The following SIMC1 variants were observed in gnomAD, a reference collection of about 807,000 sequenced individuals.
SIMC1 encodes the protein SUMO interacting motifs containing 1, also known as SUMO-interacting motif-containing protein 1.
SIMC1 carries 55 observed loss-of-function variants against 82.3 expected under a neutral mutation model. The ratio of observed to expected loss-of-function variants is 0.67; its 90% confidence interval spans 0.54 to 0.84. The LOEUF (loss-of-function observed/expected upper bound fraction) is 0.84, where lower values mean the gene tolerates loss of function less well. SIMC1 is among the 40% of genes least tolerant of loss of function. The pLI is 0.00. For synonymous variants in SIMC1, 353 were observed against 426.3 expected (o/e 0.83, Z 2.12); for missense variants, 915 against 1,107.2 (o/e 0.83, Z 2.46).
rs531826957 is a variant in SIMC1, at chr5:176,323,352, A to G, written c.2042+927A>G. Among the ~76,000 whole-genome samples, 276 of 152,298 alleles carry G rather than the reference A, an allele frequency of 1.8e-3. 2 individuals are homozygous for G. The highest frequency in any genetic ancestry group is 3.1e-3 in the Non-Finnish European group (210 of 68,014). ...AAGCTAGTATCATATAACAATCATC[A>G]TAATAAATGTTTATAAATACATGTT... On this transcript the variant is annotated intron_variant, in intron 6 of 9. Coordinates refer to ENST00000429602, the MANE Select transcript of SIMC1 (RefSeq NM_001308195.2).
chr5:176,306,482 T>G (rs1237068676), intron 4 of SIMC1, among the ~76,000 whole-genome samples: 2 of 141,220 alleles, frequency 1.4e-5, no homozygotes, highest in Non-Finnish European at 3.2e-5. Context: ...GCGGGAAAGG[T>G]GGGGAAAAGA....
At chr5:176,257,579 A>G (rs1163851288) in intron 1 of SIMC1, among the ~76,000 whole-genome samples, 4 of 152,162 alleles carry the variant, frequency 2.6e-5, no homozygotes, top group Non-Finnish European at 5.9e-5. Context: ...TGAAGACAGC[A>G]CCAAGCCATG....
At chr5:176,272,384 C>CAAAAAA (rs70991523) in intron 1 of SIMC1, among the ~76,000 whole-genome samples, 1 of 143,280 alleles carries the variant, frequency 7.0e-6, no homozygotes. Context: ...TGCAATAAGG[C>CAAAAAA]AAAAAAAAAA....
intron 1 of SIMC1, among the ~76,000 whole-genome samples, chr5:176,244,368 G>A (rs1417274815): frequency 7.4e-6 from 1 of 134,748 alleles, no homozygotes; most frequent in Non-Finnish European, 1.6e-5. Flanking sequence ...GAGATGCCAA[G>A]TATAACATTT....
At chr5:176,252,388 C>T (rs1454487748) in intron 1 of SIMC1, among the ~76,000 whole-genome samples, 7 of 142,524 alleles carry the variant, frequency 4.9e-5, no homozygotes, top group Admixed American at 2.1e-4. Flanking sequence ...TCAGACGGGG[C>T]GGTTGCCAGG....
chr5:176,329,262 G>A (rs1480506657), intron 7 of SIMC1, among the ~76,000 whole-genome samples: 2 of 152,132 alleles, frequency 1.3e-5, no homozygotes, highest in Admixed American at 6.6e-5. Flanking sequence ...ACGAGGTCAG[G>A]AGATCAAGAC....
At chr5:176,338,133 C>A (rs913760275) in intron 9 of SIMC1, among the ~76,000 whole-genome samples, 1 of 152,156 alleles carries the variant, frequency 6.6e-6, no homozygotes, top group Admixed American at 6.5e-5. Context: ...AAGTTCATGA[C>A]CTGGATCCAA....
intron 4 of SIMC1, among the ~76,000 whole-genome samples, chr5:176,303,873 AG>A (rs1764152091): frequency 6.6e-6 from 1 of 152,196 alleles, no homozygotes; most frequent in Non-Finnish European, 1.5e-5. Context: ...AAAAGAATGA[AG>A]TTGGACTCTG....
In SIMC1 at chr5:176,290,440, C is replaced by G; in HGVS notation, c.916C>G (p.Gln306Glu). The change falls in exon 2 of 10, where the codon CAA becomes GAA. Residue 306 changes from glutamine to glutamate, a missense_variant. Gln to Glu is a conservative substitution (Grantham distance 29). This residue lies in a region of SIMC1 where 902 missense variants were observed against 1,040.3 expected (regional missense o/e 0.87). Transcript: ENST00000429602. ...ACATCCACAAGATGTGGCATACCTG[C>G]AAGACATGCCACGGTCACCAGGAGA... ...ILHPQDVAYLQDMPRSPGDVP... is the reference protein window; with the variant it reads ...ILHPQDVAYLEDMPRSPGDVP... 1 of 1,614,026 alleles carries G rather than the reference C, an allele frequency of 6.2e-7. No individual in the cohort carries two copies. Among genetic ancestry groups the G allele is most frequent in the Middle Eastern group, 1.6e-4 (1 of 6,062 alleles).
chr5:176,260,244 C>G (rs1203926542), intron 1 of SIMC1, among the ~76,000 whole-genome samples: 5 of 152,038 alleles, frequency 3.3e-5, no homozygotes. Flanking sequence ...CGTATGTTCT[C>G]CCTCATAAGT....
chr5:176,325,261 C>T (rs1581316537), intron 7 of SIMC1, among the ~76,000 whole-genome samples: 1 of 152,054 alleles, frequency 6.6e-6, no homozygotes, highest in East Asian at 1.9e-4. Context: ...GTGGTGCACA[C>T]CTATAATCTC....
chr5:176,334,810 C>T (rs1765813559), intron 7 of SIMC1, among the ~76,000 whole-genome samples: 1 of 152,072 alleles, frequency 6.6e-6, no homozygotes, highest in Non-Finnish European at 1.5e-5. Flanking sequence ...AATCACAGTC[C>T]TGCAGGGCAC....
intron 1 of SIMC1, among the ~76,000 whole-genome samples, chr5:176,258,153 T>C (rs1761907561): frequency 6.6e-6 from 1 of 152,248 alleles, no homozygotes; most frequent in Admixed American, 6.5e-5. Flanking sequence ...GAGCTAGTGT[T>C]TCGATTTTGA....
chr5:176,271,228 C>T (rs1427649911), intron 1 of SIMC1, among the ~76,000 whole-genome samples: 1 of 152,086 alleles, frequency 6.6e-6, no homozygotes, highest in African/African-American at 2.4e-5. Flanking sequence ...GGCATGGTGG[C>T]AGGCACCTGT....
chr5:176,286,180 A>G (rs549884111), intron 1 of SIMC1, among the ~76,000 whole-genome samples: 1 of 152,414 alleles, frequency 6.6e-6, no homozygotes, highest in South Asian at 2.1e-4. Flanking sequence ...CATTGCCAAG[A>G]CAGTCCTAAG....
intron 1 of SIMC1, among the ~76,000 whole-genome samples, chr5:176,272,421 C>A (rs182172023): frequency 5.9e-5 from 9 of 151,696 alleles, no homozygotes; most frequent in Non-Finnish European, 1.3e-4. Flanking sequence ...GGAAGTAAGA[C>A]TTATTTGCAG....
intron 1 of SIMC1, among the ~76,000 whole-genome samples, chr5:176,273,751 G>A (rs533801013): frequency 4.2e-4 from 64 of 152,152 alleles, no homozygotes; most frequent in African/African-American, 1.4e-3. Flanking sequence ...GAGAATATGC[G>A]GTGTTTGGTT....
At chr5:176,286,125 G>GA (rs1272076915) in intron 1 of SIMC1, among the ~76,000 whole-genome samples, 1 of 152,376 alleles carries the variant, frequency 6.6e-6, no homozygotes, top group Admixed American at 6.5e-5. Context: ...CTCAGAATTG[G>GA]AAAAAAACTA....
chr5:176,242,478 C>T (rs868124322), intron 1 of SIMC1, among the ~76,000 whole-genome samples: 5 of 148,020 alleles, frequency 3.4e-5, no homozygotes, highest in Middle Eastern at 6.8e-3. Context: ...TTTATGCATT[C>T]AGGACATATC....
Sources: gnomAD v4.1 joint callset for allele counts (sites outside exome capture counted in the v4.1 genomes callset) on GRCh38, gnomAD v4.1.1 for gene constraint, gnomAD v4.1.1 regional missense constraint, MANE v1.5 for transcripts, NCBI Gene and HGNC (gene_info 2026-07-23, HGNC 2026-07-21) for gene names.